Variants in NUP93 observed in about 807,000 individuals in gnomAD.
NUP93 encodes nuclear pore complex protein Nup93.
A neutral mutation model predicts 107.8 loss-of-function variants in NUP93; 55 were observed. The ratio of observed to expected loss-of-function variants is 0.51; its 90% CI spans 0.41 to 0.64. NUP93 has a LOEUF of 0.64. Ranked by LOEUF, NUP93 falls within the 30% of genes least tolerant of loss-of-function variation. The pLI, the probability that NUP93 is intolerant of heterozygous loss-of-function variation, is 0.00. For missense variants in NUP93, 937 were observed against 1,044.7 expected, an observed-to-expected ratio of 0.90 and a Z score of 1.42; for synonymous variants, 390 against 397.5, an observed-to-expected ratio of 0.98 and a Z score of 0.22.
At chr16:56,778,120 C>T (rs948181626) in intron 3 of NUP93, among the ~76,000 whole-genome samples, 4 of 152,066 alleles carry the variant, frequency 2.6e-5, no homozygotes, top group Non-Finnish European at 4.4e-5. Context: ...TGAATGAGAG[C>T]GACACAGGAT....
intron 18 of NUP93, 66 bp downstream of exon 18, chr16:56,837,792 C>T (rs1963944284): frequency 8.8e-7 from 1 of 1,140,938 alleles, no homozygotes; most frequent in Non-Finnish European, 1.3e-6. Flanking sequence ...CACCTATGCC[C>T]ACCCAAATGC....
intron 8 of NUP93, among the ~76,000 whole-genome samples, chr16:56,824,683 T>TTCC (rs1963621093): frequency 6.6e-6 from 1 of 152,210 alleles, no homozygotes; most frequent in Non-Finnish European, 1.5e-5. Context: ...AAACGATACT[T>TTCC]CATTAGGAAG....
At chr16:56,757,923 G>GT (rs1962054713) in intron 2 of NUP93, among the ~76,000 whole-genome samples, 1 of 152,166 alleles carries the variant, frequency 6.6e-6, no homozygotes. Context: ...TACGGAGGCT[G>GT]TAAGTGTAGG....
intron 1 of NUP93, among the ~76,000 whole-genome samples, chr16:56,740,315 G>A (rs1335021118): frequency 6.7e-6 from 1 of 149,120 alleles, no homozygotes; most frequent in South Asian, 2.2e-4. Flanking sequence ...CAGACGGGGC[G>A]GCCGGGCAGA....
rs1318572465 is a variant in NUP93, at chr16:56,732,022, C to T, written c.-15+1811C>T. Among the ~76,000 whole-genome samples the T allele has an allele frequency of 3.3e-5, 5 of 152,300 alleles. 1 individual carries two copies. The highest frequency in any genetic ancestry group is 3.3e-4 in the Admixed American group (5 of 15,300). ...CTTTCCCAGTCTCATTTTCTGCTCC[C>T]TCCCTTTCCAAACGTCAGACATGCT... is the stretch of plus-strand genomic sequence containing the variant. On this transcript the variant is annotated intron_variant, in intron 1 of 21. Transcript: ENST00000308159.
intron 20 of NUP93, among the ~76,000 whole-genome samples, chr16:56,841,442 C>A (rs1964023054): frequency 6.6e-6 from 1 of 152,246 alleles, no homozygotes; most frequent in African/African-American, 2.4e-5. Context: ...ATGCTTTTGG[C>A]TCACTGCCCC....
intron 3 of NUP93, chr16:56,781,845 T>C: frequency 1.0e-6 from 1 of 985,320 alleles, no homozygotes; most frequent in Non-Finnish European, 1.2e-6. Context: ...CCCATCAGTT[T>C]GTGCTTTCAA....
intron 3 of NUP93, chr16:56,782,282 T>C (rs1319389972): frequency 1.1e-6 from 1 of 873,016 alleles, no homozygotes; most frequent in East Asian, 1.2e-4. Context: ...TGGCAGCATG[T>C]TGTTGCAGTG....
intron 1 of NUP93, among the ~76,000 whole-genome samples, chr16:56,730,492 C>G (rs1739087617): frequency 1.3e-5 from 2 of 152,100 alleles, no homozygotes; most frequent in Admixed American, 1.3e-4. Context: ...CTGTGGTGCC[C>G]TCGCGCCACG....
intron 5 of NUP93, among the ~76,000 whole-genome samples, chr16:56,816,264 T>C (rs1963428403): frequency 2.0e-5 from 3 of 152,248 alleles, no homozygotes; most frequent in Non-Finnish European, 2.9e-5. Context: ...GCTGTTGTTA[T>C]TATTGTAACC....
intron 3 of NUP93, among the ~76,000 whole-genome samples, chr16:56,772,470 C>G (rs186519762): frequency 6.6e-6 from 1 of 152,370 alleles, no homozygotes; most frequent in East Asian, 1.9e-4. Flanking sequence ...TGCAAAGACA[C>G]TAAGCTAGTT....
At chr16:56,838,256 G>A (rs1963953099) in intron 18 of NUP93, among the ~76,000 whole-genome samples, 1 of 152,198 alleles carries the variant, frequency 6.6e-6, no homozygotes, top group South Asian at 2.1e-4. Context: ...AGAAAACTGG[G>A]TTTGGGGTGC....
At chr16:56,781,750 C>T in intron 3 of NUP93, 1 of 827,916 alleles carries the variant, frequency 1.2e-6, no homozygotes. Context: ...TCCTTGCCTA[C>T]ATGTTGTCTC....
intron 9 of NUP93, 96 bp downstream of exon 9, chr16:56,829,205 A>G (rs1170152277): frequency 2.8e-6 from 4 of 1,431,702 alleles, no homozygotes; most frequent in Non-Finnish European, 3.8e-6. Context: ...TGTGGAGACT[A>G]CTGTGTGGAG....
In NUP93 at chr16:56,739,026, T is replaced by C. The variant is rs554684535; in HGVS notation, c.-15+8815T>C. On this transcript the variant is annotated intron_variant, in intron 1 of 21. Coordinates refer to ENST00000308159, the MANE Select transcript of NUP93 (RefSeq NM_014669.5). ...AGCACATGTTTCAGAGAGCACAGGG[T>C]TGGGGGTAAGGTCACAGATCAACAG... 5.1e-3 allele frequency among the ~76,000 whole-genome samples: 749 copies of C among 145,682 alleles called. 2 individuals are homozygous for C. Among genetic ancestry groups the C allele is most frequent in the Middle Eastern group, 0.029 (8 of 272 alleles).
At chr16:56,842,711 C>T in intron 21 of NUP93, 1 of 408,282 alleles carries the variant, frequency 2.4e-6, no homozygotes, top group Middle Eastern at 3.7e-4. Context: ...CACCACCACA[C>T]CCAGCGGAGT....
chr16:56,808,050 T>A (rs1424444729), intron 5 of NUP93, among the ~76,000 whole-genome samples: 2 of 142,428 alleles, frequency 1.4e-5, no homozygotes, highest in African/African-American at 2.6e-5. Flanking sequence ...TATATATTTC[T>A]AAAAATATAT....
At chr16:56,781,532 C>T (rs1219265918) in intron 3 of NUP93, 1 of 152,168 alleles carries the variant, frequency 6.6e-6, no homozygotes, top group African/African-American at 2.4e-5. Context: ...GTGCAAATTC[C>T]TGCTGCTCAG....
intron 8 of NUP93, among the ~76,000 whole-genome samples, chr16:56,825,197 A>G (rs541521347): frequency 3.2e-4 from 45 of 138,994 alleles, no homozygotes; most frequent in Non-Finnish European, 5.8e-4. Context: ...GTGTGCTACC[A>G]TACCCAGCTT....
Sources: allele counts gnomAD v4.1 joint callset (sites outside exome capture counted in the v4.1 genomes callset), GRCh38; gene constraint gnomAD v4.1.1; transcripts MANE v1.5; gene names NCBI Gene and HGNC (gene_info 2026-07-23, HGNC 2026-07-21).